The following FBXL17 variants were observed in gnomAD, a reference collection of about 807,000 sequenced individuals.
FBXL17 encodes the protein F-box and leucine rich repeat protein 17.
Under a neutral mutation model 66.2 loss-of-function variants are expected in FBXL17, and 22 were observed. The observed-to-expected ratio is 0.33, with a 90% CI of 0.24 to 0.47. FBXL17 has a LOEUF of 0.47. Among genes scored for constraint, FBXL17 ranks in the 20% least tolerant of loss-of-function variants. The pLI is 1.00. For missense variants in FBXL17, 878 were observed against 948.2 expected, an observed-to-expected ratio of 0.93 and a Z score of 0.97; for synonymous variants, 474 against 400.5, an observed-to-expected ratio of 1.18 and a Z score of -2.19.
At chr5:108,016,097 G>A (rs535233338) in intron 7 of FBXL17, among the ~76,000 whole-genome samples, 1 of 152,284 alleles carries the variant, frequency 6.6e-6, no homozygotes, top group African/African-American at 2.4e-5. Context: ...TATCATGTCT[G>A]ACATATGGCA....
At chr5:108,285,961 T>C (rs1038752379) in intron 4 of FBXL17, among the ~76,000 whole-genome samples, 14 of 151,926 alleles carry the variant, frequency 9.2e-5, no homozygotes, top group Admixed American at 8.6e-4. Context: ...GCAGGTTATT[T>C]ATCCTTGGGA....
chr5:108,145,731 G>A (rs1025099911), intron 6 of FBXL17, among the ~76,000 whole-genome samples: 3 of 151,848 alleles, frequency 2.0e-5, no homozygotes, highest in Non-Finnish European at 4.4e-5. Context: ...ACTTTAAGTG[G>A]CTAGGTCAGT....
intron 7 of FBXL17, among the ~76,000 whole-genome samples, chr5:107,927,907 T>C (rs775941035): frequency 6.6e-6 from 1 of 152,072 alleles, no homozygotes. Context: ...TAAATTCACC[T>C]CCTCTTATAA....
chr5:108,063,788 CAG>C (rs1399816404), intron 6 of FBXL17, among the ~76,000 whole-genome samples: 2 of 151,794 alleles, frequency 1.3e-5, no homozygotes, highest in Non-Finnish European at 2.9e-5. Flanking sequence ...CAATACAAAA[CAG>C]ATATTTATAA....
At position 108,382,051 on chromosome 5, in the gene FBXL17, G is replaced by C. The variant is rs893543058; in HGVS notation, c.-360C>G. On this transcript the variant is annotated 5_prime_UTR_variant, in exon 1 of 9. Transcript: ENST00000542267. ...CCGGGGAAAGGCCGGGTCCCGCTCGGACCATTTTAACTGCGGATCCGCCGC... is the reference window on the plus strand; with the variant it reads ...CCGGGGAAAGGCCGGGTCCCGCTCGCACCATTTTAACTGCGGATCCGCCGC... 1 of 898,074 alleles carries C rather than the reference G, an allele frequency of 1.1e-6. No homozygotes were observed. The highest frequency in any genetic ancestry group is 5.2e-5 in the South Asian group (1 of 19,084). 55.6% of individuals were successfully genotyped at this position (898,074 alleles called of 1,614,324 possible).
chr5:108,119,173 G>C (rs1333325935), intron 6 of FBXL17, among the ~76,000 whole-genome samples: 4 of 152,150 alleles, frequency 2.6e-5, no homozygotes, highest in Admixed American at 1.3e-4. Context: ...CATTCCAATA[G>C]CCTCTTATTA....
chr5:108,026,600 C>G (rs576401938), intron 6 of FBXL17, among the ~76,000 whole-genome samples: 1 of 152,130 alleles, frequency 6.6e-6, no homozygotes, highest in East Asian at 1.9e-4. Context: ...TCTTAATATA[C>G]CACAGGGGCA....
intron 6 of FBXL17, among the ~76,000 whole-genome samples, chr5:108,100,389 C>T (rs1749554860): frequency 6.6e-6 from 1 of 152,148 alleles, no homozygotes; most frequent in Admixed American, 6.5e-5. Context: ...ACAATGAATT[C>T]ATGGCTAATC....
chr5:107,879,862 C>G (rs1341078780), intron 8 of FBXL17: 1 of 985,338 alleles, frequency 1.0e-6, no homozygotes, highest in African/African-American at 1.7e-5. Context: ...AGACTGCCCC[C>G]TGGGTTGTGC....
rs922873225 is a variant in FBXL17 at position 108,351,901 on chromosome 5, A to G, written c.1375-3371T>C. ...GGACAAGTTGGTAGAACCTCAGGTT[A>G]AGACACGTAAATCACAGCGCCGCAG... On this transcript the variant is annotated intron_variant, in intron 3 of 8. Transcript: ENST00000542267. Among the ~76,000 whole-genome samples, 4 of 152,262 alleles carry G rather than the reference A, an allele frequency of 2.6e-5. No homozygotes were observed. The East Asian group carries it at 7.7e-4, about 29-fold the overall frequency.
At chr5:108,129,260 A>G (rs1350499602) in intron 6 of FBXL17, among the ~76,000 whole-genome samples, 1 of 152,128 alleles carries the variant, frequency 6.6e-6, no homozygotes, top group Non-Finnish European at 1.5e-5. Flanking sequence ...AATTTGTTCT[A>G]TAGTTGTATA....
chr5:108,119,286 G>A (rs1750383438), intron 6 of FBXL17, among the ~76,000 whole-genome samples: 1 of 152,188 alleles, frequency 6.6e-6, no homozygotes. Context: ...CAAGGGGAAT[G>A]CCACTAGTCC....
chr5:107,978,929 T>G (rs2112664937), intron 7 of FBXL17, among the ~76,000 whole-genome samples: 1 of 152,274 alleles, frequency 6.6e-6, no homozygotes, highest in African/African-American at 2.4e-5. Flanking sequence ...CAGAACCACA[T>G]ATAAGGGCTG....
chr5:108,296,067 A>G (rs1262317696), intron 4 of FBXL17, among the ~76,000 whole-genome samples: 2 of 151,864 alleles, frequency 1.3e-5, no homozygotes, highest in Non-Finnish European at 2.9e-5. Flanking sequence ...ACATTACACA[A>G]TAAGCTCTCT....
chr5:108,028,243 T>A (rs1474988848), intron 6 of FBXL17, among the ~76,000 whole-genome samples: 1 of 152,096 alleles, frequency 6.6e-6, no homozygotes, highest in Non-Finnish European at 1.5e-5. Context: ...AAAACATTAA[T>A]AGTGAAAACT....
chr5:108,200,077 C>A (rs907233571), intron 5 of FBXL17, among the ~76,000 whole-genome samples: 1 of 152,148 alleles, frequency 6.6e-6, no homozygotes, highest in Non-Finnish European at 1.5e-5. Flanking sequence ...CTGGGACCCA[C>A]AAGCCACAGT....
At chr5:107,982,559 T>C (rs1561351683) in intron 7 of FBXL17, among the ~76,000 whole-genome samples, 1 of 152,144 alleles carries the variant, frequency 6.6e-6, no homozygotes, top group Non-Finnish European at 1.5e-5. Context: ...CATGCAACCA[T>C]TTGCTAAAGG....
chr5:107,945,280 T>C (rs1442168254), intron 7 of FBXL17, among the ~76,000 whole-genome samples: 7 of 152,132 alleles, frequency 4.6e-5, no homozygotes, highest in Non-Finnish European at 2.9e-5. Context: ...GGCAAGGATA[T>C]TGAGCAATGA....
At position 108,380,681 on chromosome 5, in the gene FBXL17, CCT is replaced by C. The variant is rs767822499; in HGVS notation, c.993+16_993+17del. 1 of 1,247,466 alleles carries C rather than the reference CCT, an allele frequency of 8.0e-7. No individual in the cohort carries two copies. Among genetic ancestry groups the C allele is most frequent in the Non-Finnish European group, 1.0e-6 (1 of 987,512 alleles). The allele number at this position is 1,247,466 out of a possible 1,614,324, so 77.3% of individuals were successfully genotyped here. ...GTGGGGGAAAGCGAGCATCCCTGCG[CCT>C]CTCGCCCAGACCCACCTTGAGCAGG... On this transcript the variant is annotated intron_variant, in intron 1 of 8. Coordinates refer to ENST00000542267, the MANE Select transcript of FBXL17 (RefSeq NM_001163315.3).
Sources: gnomAD v4.1 joint callset for allele counts (sites outside exome capture counted in the v4.1 genomes callset) on GRCh38, gnomAD v4.1.1 for gene constraint, MANE v1.5 for transcripts, NCBI Gene and HGNC (gene_info 2026-07-23, HGNC 2026-07-21) for gene names.